Variants in PDE1A observed in about 807,000 individuals in gnomAD.
PDE1A encodes the protein phosphodiesterase 1A, also known as dual specificity calcium/calmodulin-dependent 3',5'-cyclic nucleotide phosphodiesterase 1A.
Under a neutral mutation model 61.7 loss-of-function variants are expected in PDE1A, and 35 were observed. The observed-to-expected ratio is 0.57, with a 90% CI of 0.43 to 0.75. The LOEUF is 0.75. Ranked by LOEUF, PDE1A falls within the 30% of genes least tolerant of loss-of-function variation. The pLI, the probability that PDE1A is intolerant of heterozygous loss-of-function variation, is 0.00. For synonymous variants in PDE1A, 232 were observed against 213.2 expected, an observed-to-expected ratio of 1.09 and a Z score of -0.77; for missense variants, 597 against 630.6, an observed-to-expected ratio of 0.95 and a Z score of 0.57.
At chr2:182,345,431 T>C (rs1698461175) in intron 1 of PDE1A, among the ~76,000 whole-genome samples, 1 of 152,208 alleles carries the variant, frequency 6.6e-6, no homozygotes, top group Admixed American at 6.5e-5. Context: ...TCTCTTAGCT[T>C]TCCATCATCT....
intron 1 of PDE1A, among the ~76,000 whole-genome samples, chr2:182,308,097 C>T (rs947778313): frequency 6.6e-6 from 1 of 152,110 alleles, no homozygotes; most frequent in African/African-American, 2.4e-5. Flanking sequence ...GGAGAAATTA[C>T]TCTTTTTAAT....
At chr2:182,607,335 C>T in the PDE1A span, among the ~76,000 whole-genome samples, 2 of 152,122 alleles carry the variant, frequency 1.3e-5, no homozygotes, top group Non-Finnish European at 2.9e-5. Context: ...TTCTATAGGA[C>T]AATTGGGCCG....
chr2:182,695,047 A>AAGAATTT, the PDE1A span, among the ~76,000 whole-genome samples: 1 of 152,136 alleles, frequency 6.6e-6, no homozygotes, highest in Non-Finnish European at 1.5e-5. Context: ...TACAAAATTA[A>AAGAATTT]AGAATTTAGA....
At chr2:182,335,962 T>A (rs753111357) in intron 1 of PDE1A, among the ~76,000 whole-genome samples, 2 of 152,100 alleles carry the variant, frequency 1.3e-5, no homozygotes, top group African/African-American at 4.8e-5. Flanking sequence ...GCAAAGGATA[T>A]GAACAGACAC....
intron 10 of PDE1A, among the ~76,000 whole-genome samples, chr2:182,192,268 T>G (rs1227941442): frequency 6.6e-6 from 1 of 152,142 alleles, no homozygotes; most frequent in Admixed American, 6.5e-5. Flanking sequence ...GAGCAAGAGA[T>G]TTTATATTCT....
At chr2:182,366,808 T>C (rs1402211817) in intron 1 of PDE1A, among the ~76,000 whole-genome samples, 1 of 152,060 alleles carries the variant, frequency 6.6e-6, no homozygotes, top group Non-Finnish European at 1.5e-5. Context: ...TGTGAAATTG[T>C]TTTGACTAGT....
the PDE1A span, among the ~76,000 whole-genome samples, chr2:182,531,884 T>A: frequency 6.6e-6 from 1 of 152,112 alleles, no homozygotes; most frequent in Non-Finnish European, 1.5e-5. Context: ...CGGTGTGTAA[T>A]GTTCCCCGCC....
chr2:182,169,210 A>G (rs575049205), intron 13 of PDE1A, among the ~76,000 whole-genome samples: 15 of 152,158 alleles, frequency 9.9e-5, no homozygotes, highest in Non-Finnish European at 2.1e-4. Context: ...TCTCTTTACT[A>G]TTTACCAGAC....
the PDE1A span, among the ~76,000 whole-genome samples, chr2:182,594,623 T>C: frequency 6.6e-6 from 1 of 152,244 alleles, no homozygotes; most frequent in Admixed American, 6.5e-5. Flanking sequence ...ACAAAATGAA[T>C]TTCCAAAAAT....
rs527361922 is a variant in PDE1A, at chr2:182,212,659, G to A, written c.777-6594C>T. On this transcript the variant is annotated intron_variant, in intron 7 of 13. Coordinates refer to ENST00000351439, the Ensembl canonical transcript of PDE1A. ...CGAGTCAAAGAAAGGGGTGATGGAC[G>A]GCACCTGGAAAATTGGGTCACTCCC... is the stretch of plus-strand genomic sequence containing the variant. Among the ~76,000 whole-genome samples the A allele has an allele frequency of 2.7e-3, 407 of 152,290 alleles. 1 individual carries two copies. Among genetic ancestry groups the A allele is most frequent in the African/African-American group, 9.4e-3 (392 of 41,556 alleles).
Position 182,188,308 on chromosome 2 carries a change from G to A in PDE1A, c.1207+671C>T, listed in dbSNP as rs72895063. ...AGCTTTCCCCAACGCTTTGTGATGG[G>A]TGGTGCTGGAGCATAACTACACAGC... On this transcript the variant is annotated intron_variant, in intron 11 of 13. Coordinates refer to ENST00000351439, the Ensembl canonical transcript of PDE1A. 7.0e-3 allele frequency among the ~76,000 whole-genome samples: 1,071 copies of A among 152,310 alleles called. 8 individuals carry two copies. Among genetic ancestry groups the A allele is most frequent in the Non-Finnish European group, 0.012 (790 of 68,016 alleles).
chr2:182,339,314 G>A (rs902438383), intron 1 of PDE1A, among the ~76,000 whole-genome samples: 11 of 151,996 alleles, frequency 7.2e-5, no homozygotes, highest in African/African-American at 2.4e-4. Context: ...TTCTCAAGTT[G>A]CCTGAGAAAA....
intron 2 of PDE1A, among the ~76,000 whole-genome samples, chr2:182,518,470 G>C (rs765171830): frequency 2.0e-5 from 3 of 152,104 alleles, no homozygotes; most frequent in Non-Finnish European, 4.4e-5. Flanking sequence ...AGACAACGAA[G>C]CTTAACTTAA....
At chr2:182,627,425 T>C in the PDE1A span, among the ~76,000 whole-genome samples, 1 of 85,988 alleles carries the variant, frequency 1.2e-5, no homozygotes, top group South Asian at 3.6e-4. Flanking sequence ...ATATATTATA[T>C]TTAAATATAT....
In PDE1A at chr2:182,338,211, T is replaced by G. The variant is rs977879888; in HGVS notation, c.54-73797A>C. ...TGCTGGAGCTGGCAGCACCTACATG[T>G]GAACCCTGACTCTAACACCCAGTAA... On this transcript the variant is annotated intron_variant, in intron 1 of 13. Coordinates refer to ENST00000351439, the Ensembl canonical transcript of PDE1A. Among the ~76,000 whole-genome samples, 6 of 152,208 alleles carry G rather than the reference T, an allele frequency of 3.9e-5. No homozygotes were observed. In the East Asian group the frequency reaches 9.6e-4, roughly 24 times the overall value.
the PDE1A span, among the ~76,000 whole-genome samples, chr2:182,632,558 T>G: frequency 6.6e-6 from 1 of 152,110 alleles, no homozygotes; most frequent in African/African-American, 2.4e-5. Flanking sequence ...GAAGAAATAC[T>G]CTCTTTCTAC....
intron 2 of PDE1A, among the ~76,000 whole-genome samples, chr2:182,520,613 A>G (rs996125498): frequency 6.6e-6 from 1 of 151,956 alleles, no homozygotes; most frequent in African/African-American, 2.4e-5. Context: ...AGTATCAAAT[A>G]AACACAAAAT....
At chr2:182,347,796 A>G (rs949135220) in intron 1 of PDE1A, among the ~76,000 whole-genome samples, 1 of 152,294 alleles carries the variant, frequency 6.6e-6, no homozygotes, top group South Asian at 2.1e-4. Flanking sequence ...GCACTATGTG[A>G]GCACAAAGTT....
chr2:182,376,423 T>C (rs1175616905), intron 1 of PDE1A, among the ~76,000 whole-genome samples: 3 of 152,190 alleles, frequency 2.0e-5, no homozygotes, highest in South Asian at 2.1e-4. Flanking sequence ...TGCTAAGACA[T>C]AATAAGAGTC....
Sources: allele counts gnomAD v4.1 joint callset (sites outside exome capture counted in the v4.1 genomes callset), GRCh38; gene constraint gnomAD v4.1.1; transcripts MANE v1.5; gene names NCBI Gene and HGNC (gene_info 2026-07-23, HGNC 2026-07-21).